IMMP2L: variants seen among roughly 807,000 people sequenced by gnomAD.
IMMP2L encodes mitochondrial inner membrane protease subunit 2.
Under a neutral mutation model 19.3 loss-of-function variants are expected in IMMP2L, and 18 were observed. The ratio of observed to expected loss-of-function variants is 0.93; its 90% CI spans 0.64 to 1.38. IMMP2L has a LOEUF of 1.38. IMMP2L is among the 40% of genes most tolerant of loss of function. The probability of loss-of-function intolerance (pLI) is 0.00; values close to 1 mark genes in which losing one functional copy is unlikely to be tolerated. For missense variants in IMMP2L, 233 were observed against 218.2 expected, an observed-to-expected ratio of 1.07 and a Z score of -0.43; for synonymous variants, 76 against 73.0, an observed-to-expected ratio of 1.04 and a Z score of -0.21.
intron 3 of IMMP2L, among the ~76,000 whole-genome samples, chr7:111,340,789 G>T (rs903044042): frequency 6.6e-6 from 1 of 152,052 alleles, no homozygotes; most frequent in Non-Finnish European, 1.5e-5. Flanking sequence ...TAGCAGGAAT[G>T]AACCTCACCT....
At chr7:111,484,692 T>C (rs1585296790) in intron 3 of IMMP2L, among the ~76,000 whole-genome samples, 2 of 152,312 alleles carry the variant, frequency 1.3e-5, no homozygotes, top group East Asian at 3.9e-4. Context: ...TATTATGAAC[T>C]GCAATCAAAC....
At chr7:110,882,329 C>CTTCCTTCCT (rs1554445740) in intron 5 of IMMP2L, among the ~76,000 whole-genome samples, 6,066 of 127,648 alleles carry the variant, frequency 0.048, 233 homozygotes, top group Middle Eastern at 0.065. Flanking sequence ...TCCTTCCTTC[C>CTTCCTTCCT]TTCCTTCCTT....
intron 3 of IMMP2L, among the ~76,000 whole-genome samples, chr7:111,108,683 C>A (rs1017015535): frequency 2.0e-5 from 3 of 151,966 alleles, no homozygotes; most frequent in Non-Finnish European, 4.4e-5. Flanking sequence ...TTTGTAATCT[C>A]CTGAATTTAA....
At chr7:111,215,461 A>G (rs1451831882) in intron 3 of IMMP2L, among the ~76,000 whole-genome samples, 1 of 152,208 alleles carries the variant, frequency 6.6e-6, no homozygotes, top group Non-Finnish European at 1.5e-5. Flanking sequence ...ATTCTAGCCT[A>G]TTTGAATATA....
At chr7:111,277,260 A>AT (rs1206492393) in intron 3 of IMMP2L, among the ~76,000 whole-genome samples, 3 of 152,038 alleles carry the variant, frequency 2.0e-5, no homozygotes, top group Admixed American at 2.0e-4. Flanking sequence ...ACTCTACAAG[A>AT]TAAAAAAAAA....
chr7:111,413,155 G>T (rs1834594471), intron 3 of IMMP2L, among the ~76,000 whole-genome samples: 1 of 151,892 alleles, frequency 6.6e-6, no homozygotes, highest in Non-Finnish European at 1.5e-5. Context: ...TTGATTAAAA[G>T]ACACAAATTA....
chr7:110,947,778 G>T (rs1414414700), intron 4 of IMMP2L, among the ~76,000 whole-genome samples: 1 of 152,138 alleles, frequency 6.6e-6, no homozygotes, highest in Non-Finnish European at 1.5e-5. Flanking sequence ...TACACCTAGA[G>T]CTGAAGCAGC....
intron 3 of IMMP2L, among the ~76,000 whole-genome samples, chr7:111,002,447 CT>C (rs1265874280): frequency 6.6e-6 from 1 of 152,060 alleles, no homozygotes; most frequent in Non-Finnish European, 1.5e-5. Flanking sequence ...GTTTGGCTAC[CT>C]TTCACCTTTC....
rs1432547994 is a variant in IMMP2L, at chr7:111,145,011, A to T, written c.240-181446T>A. ...CTAACCTGGGAGAGTTGAGCTAAAT[A>T]GGTGCAAAGAAGGAGGAAGAACCTT... is the stretch of plus-strand genomic sequence containing the variant. On this transcript the variant is annotated intron_variant, in intron 3 of 5. Coordinates refer to ENST00000405709, the MANE Select transcript of IMMP2L (RefSeq NM_032549.4). Among the ~76,000 whole-genome samples the T allele has an allele frequency of 2.0e-5, 3 of 152,112 alleles. No individual in the cohort carries two copies. In the South Asian group the frequency reaches 6.2e-4, roughly 31 times the overall value.
chr7:111,281,168 AAG>A (rs1438736767), intron 3 of IMMP2L, among the ~76,000 whole-genome samples: 4 of 34,978 alleles, frequency 1.1e-4, no homozygotes, highest in Non-Finnish European at 1.8e-4. Context: ...GAAAGAAAGA[AAG>A]AAAGAAAGAA....
At chr7:110,900,588 T>C (rs1811763599) in intron 4 of IMMP2L, among the ~76,000 whole-genome samples, 1 of 152,128 alleles carries the variant, frequency 6.6e-6, no homozygotes, top group Non-Finnish European at 1.5e-5. Flanking sequence ...TGGATTCCCA[T>C]CACAGTTAAA....
chr7:111,152,373 C>T (rs1292313462), intron 3 of IMMP2L, among the ~76,000 whole-genome samples: 1 of 152,068 alleles, frequency 6.6e-6, no homozygotes, highest in Non-Finnish European at 1.5e-5. Context: ...GGCTCTTCCT[C>T]AATTCACCAA....
intron 5 of IMMP2L, among the ~76,000 whole-genome samples, chr7:110,856,612 G>A (rs1806804728): frequency 6.6e-6 from 1 of 152,030 alleles, no homozygotes; most frequent in South Asian, 2.1e-4. Context: ...GATCTGACAT[G>A]CTCAAATCAA....
At chr7:111,404,746 C>T (rs910778269) in intron 3 of IMMP2L, among the ~76,000 whole-genome samples, 2 of 152,002 alleles carry the variant, frequency 1.3e-5, no homozygotes, top group South Asian at 4.1e-4. Context: ...CAAGCAGTAG[C>T]CCACAATTCC....
At chr7:110,783,486 T>G (rs543625807) in intron 5 of IMMP2L, among the ~76,000 whole-genome samples, 4 of 151,890 alleles carry the variant, frequency 2.6e-5, no homozygotes, top group Non-Finnish European at 5.9e-5. Context: ...TATCAAATGT[T>G]CACATGTTGA....
chr7:111,241,556 T>C (rs1815040837), intron 3 of IMMP2L, among the ~76,000 whole-genome samples: 1 of 151,962 alleles, frequency 6.6e-6, no homozygotes, highest in African/African-American at 2.4e-5. Context: ...CATGAAATGA[T>C]TCTTACTGAT....
chr7:111,534,721 C>T (rs1847722978), intron 1 of IMMP2L, among the ~76,000 whole-genome samples: 1 of 152,120 alleles, frequency 6.6e-6, no homozygotes, highest in African/African-American at 2.4e-5. Context: ...GGTTCATACA[C>T]AATTTTCCCC....
At chr7:111,504,891 C>A (rs1585405443) in intron 2 of IMMP2L, among the ~76,000 whole-genome samples, 1 of 151,896 alleles carries the variant, frequency 6.6e-6, no homozygotes, top group Non-Finnish European at 1.5e-5. Flanking sequence ...CTAGGCAATA[C>A]CATTCAGGAC....
intron 4 of IMMP2L, among the ~76,000 whole-genome samples, chr7:110,892,354 A>G (rs1810888749): frequency 6.6e-6 from 1 of 152,088 alleles, no homozygotes; most frequent in African/African-American, 2.4e-5. Flanking sequence ...TTGAATTCCC[A>G]TAAAAACCAT....
Sources: gnomAD v4.1 joint callset for allele counts (sites outside exome capture counted in the v4.1 genomes callset) on GRCh38, gnomAD v4.1.1 for gene constraint, MANE v1.5 for transcripts, NCBI Gene and HGNC (gene_info 2026-07-23, HGNC 2026-07-21) for gene names.